PTPRD: variants seen among roughly 807,000 people sequenced by gnomAD.
The protein encoded by PTPRD is protein tyrosine phosphatase receptor type D.
Under a neutral mutation model 214.5 loss-of-function variants are expected in PTPRD, and 34 were observed. The observed-to-expected ratio is 0.16, with a 90% CI of 0.12 to 0.21. The LOEUF (loss-of-function observed/expected upper bound fraction) is 0.21. Among genes scored for constraint, PTPRD ranks in the 10% least tolerant of loss-of-function variants. The pLI, the probability that PTPRD is intolerant of heterozygous loss-of-function variation, is 1.00. For synonymous variants in PTPRD, 1,128 were observed against 845.7 expected, an observed-to-expected ratio of 1.33 and a Z score of -5.79; for missense variants, 2,545 against 2,398.7, an observed-to-expected ratio of 1.06 and a Z score of -1.27.
At chr9:8,857,721 C>T (rs1586719447) in intron 11 of PTPRD, 1 of 157,140 alleles carries the variant, frequency 6.4e-6, no homozygotes, top group South Asian at 1.7e-4. Flanking sequence ...CGCGCCCCGC[C>T]ACGGCCGCGC....
intron 2 of PTPRD, among the ~76,000 whole-genome samples, chr9:10,580,246 A>C (rs1174415166): frequency 6.6e-6 from 1 of 152,202 alleles, no homozygotes; most frequent in Non-Finnish European, 1.5e-5. Flanking sequence ...CATCACTATA[A>C]GCATTTCAGC....
chr9:10,263,333 T>C (rs2093821743), intron 3 of PTPRD, among the ~76,000 whole-genome samples: 1 of 152,138 alleles, frequency 6.6e-6, no homozygotes, highest in Non-Finnish European at 1.5e-5. Flanking sequence ...TGGAACTTCC[T>C]AGAGACTTGG....
chr9:10,519,213 T>C (rs1447787149), intron 2 of PTPRD, among the ~76,000 whole-genome samples: 1 of 130,816 alleles, frequency 7.6e-6, no homozygotes, highest in African/African-American at 2.9e-5. Context: ...GGTCATTTTA[T>C]TCAGCGGGAG....
chr9:9,950,889 A>G (rs1412637191), intron 4 of PTPRD, among the ~76,000 whole-genome samples: 1 of 152,158 alleles, frequency 6.6e-6, no homozygotes, highest in African/African-American at 2.4e-5. Context: ...CAGTAGCAGC[A>G]CATAATTTCT....
chr9:9,420,616 T>G (rs531567159), intron 8 of PTPRD, among the ~76,000 whole-genome samples: 1 of 152,100 alleles, frequency 6.6e-6, no homozygotes, highest in African/African-American at 2.4e-5. Flanking sequence ...GAATGTTTAA[T>G]GCAAGCTTCT....
chr9:9,738,495 G>C (rs2098341036), intron 6 of PTPRD, among the ~76,000 whole-genome samples: 1 of 122,550 alleles, frequency 8.2e-6, no homozygotes, highest in African/African-American at 3.3e-5. Context: ...CCAGGTTAGA[G>C]ACCATCAGTG....
rs2096318377 is a variant in PTPRD at position 8,633,474 on chromosome 9, A to T, written c.211-16T>A. 1.2e-6 allele frequency: 2 copies of T among 1,609,386 alleles called. No individual in the cohort carries two copies. The highest frequency in any genetic ancestry group is 1.7e-6 in the Non-Finnish European group (2 of 1,177,594). ...ACTCTATTACCTATTAGAGGAAACA[A>T]TAGCTGTCACAGGTGTTGTTACAAT... On this transcript the variant is annotated splice_polypyrimidine_tract_variant and intron_variant, in intron 13 of 45. Transcript: ENST00000381196.
intron 11 of PTPRD, among the ~76,000 whole-genome samples, chr9:8,878,027 C>A (rs990192151): frequency 6.6e-6 from 1 of 152,086 alleles, no homozygotes; most frequent in African/African-American, 2.4e-5. Flanking sequence ...GTCATTCTAC[C>A]CTCAAGTATA....
At chr9:9,380,403 G>C (rs1221176979) in intron 9 of PTPRD, among the ~76,000 whole-genome samples, 1 of 151,950 alleles carries the variant, frequency 6.6e-6, no homozygotes, top group African/African-American at 2.4e-5. Flanking sequence ...TACACAGTAG[G>C]TATATATACT....
intron 3 of PTPRD, among the ~76,000 whole-genome samples, chr9:10,333,195 C>T (rs564111258): frequency 6.6e-6 from 1 of 151,620 alleles, no homozygotes; most frequent in South Asian, 2.1e-4. Flanking sequence ...TCTGAGACTC[C>T]GATTAGTGCA....
Position 10,171,911 on chromosome 9 carries a change from AG to A in PTPRD, c.-544-138122del, listed in dbSNP as rs777499019. Among the ~76,000 whole-genome samples the A allele has an allele frequency of 5.3e-5, 8 of 152,290 alleles. No homozygotes were observed. In the East Asian group the frequency reaches 9.6e-4, roughly 18 times the overall value. ...AACCCAGGAATAGTAGGCAGTAGAA[AG>A]GACAGAATCACTCTATTATTTAGGT... On this transcript the variant is annotated intron_variant, in intron 3 of 45. Coordinates refer to ENST00000381196, the MANE Select transcript of PTPRD (RefSeq NM_002839.4).
At chr9:9,893,112 A>G (rs1345704148) in intron 5 of PTPRD, among the ~76,000 whole-genome samples, 1 of 152,048 alleles carries the variant, frequency 6.6e-6, no homozygotes, top group Non-Finnish European at 1.5e-5. Flanking sequence ...ATACATTTGG[A>G]GAATATCACT....
At chr9:9,168,804 A>G (rs1178454986) in intron 10 of PTPRD, among the ~76,000 whole-genome samples, 3 of 152,088 alleles carry the variant, frequency 2.0e-5, no homozygotes, top group African/African-American at 7.2e-5. Flanking sequence ...TTTATTTGTT[A>G]CGGGTACATT....
chr9:8,633,640 C>T (rs1020015424), intron 13 of PTPRD, among the ~76,000 whole-genome samples, 182 bp from the exon 14 acceptor site: 2 of 151,972 alleles, frequency 1.3e-5, no homozygotes, highest in Non-Finnish European at 2.9e-5. Flanking sequence ...TTCTACTGAA[C>T]AAGGAGAAAG....
At chr9:9,912,571 A>G (rs1189312542) in intron 5 of PTPRD, among the ~76,000 whole-genome samples, 2 of 152,194 alleles carry the variant, frequency 1.3e-5, no homozygotes, top group Non-Finnish European at 1.5e-5. Flanking sequence ...CTCCCCTGAG[A>G]GAAAGCTGAA....
At chr9:8,560,938 A>G (rs1472148637) in intron 14 of PTPRD, among the ~76,000 whole-genome samples, 1 of 152,126 alleles carries the variant, frequency 6.6e-6, no homozygotes, top group Non-Finnish European at 1.5e-5. Flanking sequence ...AAAAAAAAAA[A>G]AAACACTCCG....
At chr9:9,662,912 G>A (rs996981022) in intron 7 of PTPRD, among the ~76,000 whole-genome samples, 1 of 151,482 alleles carries the variant, frequency 6.6e-6, no homozygotes, top group African/African-American at 2.4e-5. Context: ...TGTTTTCACT[G>A]CAGTTCTTAA....
intron 4 of PTPRD, among the ~76,000 whole-genome samples, chr9:10,011,984 C>G (rs74526073): frequency 0.028 from 4,327 of 151,862 alleles, 124 homozygotes; most frequent in Admixed American, 0.089. Context: ...TTTTGTTTTG[C>G]TAATTAACTT....
At chr9:9,992,814 G>T (rs560406423) in intron 4 of PTPRD, among the ~76,000 whole-genome samples, 22 of 152,018 alleles carry the variant, frequency 1.4e-4, no homozygotes, top group South Asian at 6.2e-4. Context: ...ATGGGGAGAG[G>T]GGGGAGGGAT....
Sources: allele counts gnomAD v4.1 joint callset (sites outside exome capture counted in the v4.1 genomes callset), GRCh38; gene constraint gnomAD v4.1.1; transcripts MANE v1.5; gene names NCBI Gene and HGNC (gene_info 2026-07-23, HGNC 2026-07-21).